INPP4B: variants seen among roughly 807,000 people sequenced by gnomAD.
INPP4B encodes inositol polyphosphate-4-phosphatase type II B, also known as inositol polyphosphate 4-phosphatase type II.
A neutral mutation model predicts 122.5 loss-of-function variants in INPP4B; 55 were observed. The observed-to-expected ratio is 0.45, with a 90% CI of 0.36 to 0.56. INPP4B has a LOEUF of 0.56. Ranked by LOEUF, INPP4B falls within the 20% of genes least tolerant of loss-of-function variation. INPP4B has a pLI of 0.00. For synonymous variants in INPP4B, 403 were observed against 388.7 expected (o/e 1.04, Z -0.43); for missense variants, 1,000 against 1,097.7 (o/e 0.91, Z 1.26).
At chr4:142,753,542 C>T (rs771473657) in intron 1 of INPP4B, among the ~76,000 whole-genome samples, 16 of 151,956 alleles carry the variant, frequency 1.1e-4, no homozygotes, top group African/African-American at 3.4e-4. Flanking sequence ...ATTGATCCCC[C>T]CTCTCTCCAT....
chr4:142,573,310 T>C (rs1247221450), intron 2 of INPP4B, among the ~76,000 whole-genome samples: 1 of 152,072 alleles, frequency 6.6e-6, no homozygotes, highest in Non-Finnish European at 1.5e-5. Context: ...CCAAGCCACA[T>C]CACAGCACTT....
chr4:142,584,490 G>A (rs913283890), intron 2 of INPP4B, among the ~76,000 whole-genome samples: 3 of 152,078 alleles, frequency 2.0e-5, no homozygotes, highest in South Asian at 2.1e-4. Flanking sequence ...AGTTTTCTAC[G>A]ACAAGTTTTA....
chr4:142,550,883 T>C (rs1727828673), intron 2 of INPP4B, among the ~76,000 whole-genome samples: 1 of 152,150 alleles, frequency 6.6e-6, no homozygotes, highest in Admixed American at 6.5e-5. Flanking sequence ...TCCAGTCTCC[T>C]CAAGTATAAA....
At chr4:142,082,363 A>G (rs748659612) in intron 24 of INPP4B, among the ~76,000 whole-genome samples, 178 bp from the exon 25 acceptor site, 14 of 152,224 alleles carry the variant, frequency 9.2e-5, no homozygotes, top group South Asian at 2.1e-4. Context: ...TTTTCATTTC[A>G]AAAGCCAACA....
intron 2 of INPP4B, among the ~76,000 whole-genome samples, chr4:142,523,742 G>C (rs1263730073): frequency 6.7e-6 from 1 of 149,670 alleles, no homozygotes; most frequent in Non-Finnish European, 1.5e-5. Flanking sequence ...GTGCCACGCT[G>C]GTGCGCTGCA....
At chr4:142,553,759 A>G (rs933337216) in intron 2 of INPP4B, among the ~76,000 whole-genome samples, 3 of 152,164 alleles carry the variant, frequency 2.0e-5, no homozygotes, top group African/African-American at 4.8e-5. Context: ...CCAACCCCCA[A>G]ATAAAACATT....
At chr4:142,611,452 G>C (rs1272898986) in intron 2 of INPP4B, among the ~76,000 whole-genome samples, 3 of 151,826 alleles carry the variant, frequency 2.0e-5, no homozygotes. Flanking sequence ...TCAAGGAAAA[G>C]TAAGTAATGG....
intron 15 of INPP4B, among the ~76,000 whole-genome samples, chr4:142,182,507 C>T (rs930715699): frequency 7.5e-6 from 1 of 134,160 alleles, no homozygotes; most frequent in Non-Finnish European, 1.5e-5. Context: ...GAGATCACGC[C>T]GCTGCACTCC....
chr4:142,759,278 A>T (rs1770950934), intron 1 of INPP4B, among the ~76,000 whole-genome samples: 1 of 152,136 alleles, frequency 6.6e-6, no homozygotes, highest in Non-Finnish European at 1.5e-5. Flanking sequence ...TGTATTCAAG[A>T]TCAATGATCT....
intron 2 of INPP4B, among the ~76,000 whole-genome samples, chr4:142,704,697 T>C (rs907023552): frequency 2.0e-5 from 3 of 152,236 alleles, no homozygotes; most frequent in Non-Finnish European, 4.4e-5. Flanking sequence ...CGTTCTTTTC[T>C]ACTCACTTTT....
chr4:142,797,860 T>C (rs1418038451), intron 1 of INPP4B, among the ~76,000 whole-genome samples: 1 of 151,968 alleles, frequency 6.6e-6, no homozygotes, highest in Non-Finnish European at 1.5e-5. Flanking sequence ...ATCTGCCATA[T>C]ACTCCTCTGA....
chr4:142,802,547 A>G (rs1778137421), intron 1 of INPP4B, among the ~76,000 whole-genome samples: 1 of 152,144 alleles, frequency 6.6e-6, no homozygotes, highest in Non-Finnish European at 1.5e-5. Context: ...AAGATAAATA[A>G]TCCCTCACTG....
At chr4:142,477,871 G>C (rs531751265) in intron 2 of INPP4B, among the ~76,000 whole-genome samples, 17 of 152,262 alleles carry the variant, frequency 1.1e-4, no homozygotes, top group African/African-American at 4.1e-4. Context: ...GATACCATTT[G>C]TAGTGAAACT....
chr4:142,815,354 T>C (rs1251610893), intron 1 of INPP4B, among the ~76,000 whole-genome samples: 1 of 152,196 alleles, frequency 6.6e-6, no homozygotes, highest in Non-Finnish European at 1.5e-5. Flanking sequence ...GGTTCATTAA[T>C]TGTAACAAAT....
intron 1 of INPP4B, among the ~76,000 whole-genome samples, chr4:142,772,059 A>G (rs1021058206): frequency 5.9e-5 from 9 of 152,148 alleles, no homozygotes; most frequent in Non-Finnish European, 8.8e-5. Flanking sequence ...TGTGATTCTA[A>G]TTAGACAGCC....
intron 2 of INPP4B, among the ~76,000 whole-genome samples, chr4:142,648,736 C>T (rs1347487757): frequency 6.6e-6 from 1 of 152,224 alleles, no homozygotes; most frequent in Admixed American, 6.5e-5. Context: ...GAATCCACCT[C>T]TTTGGGCAGG....
intron 7 of INPP4B, among the ~76,000 whole-genome samples, chr4:142,360,059 C>T (rs1476427704): frequency 1.3e-5 from 2 of 151,626 alleles, no homozygotes; most frequent in East Asian, 1.9e-4. Flanking sequence ...TATAAGAGGG[C>T]CTTTAAAGAA....
intron 2 of INPP4B, among the ~76,000 whole-genome samples, chr4:142,523,268 C>T (rs56374106): frequency 6.6e-6 from 1 of 152,096 alleles, no homozygotes; most frequent in Admixed American, 6.6e-5. Flanking sequence ...TTTTAACTAG[C>T]CCCCAGATAA....
chr4:142,429,367 T>TGCC, intron 4 of INPP4B, 150 bp from the exon 5 acceptor site: 1 of 549,742 alleles, frequency 1.8e-6, no homozygotes, highest in Non-Finnish European at 3.3e-6. Context: ...TTATAAATAA[T>TGCC]CAGTTCTCAG....
Sources: gnomAD v4.1 joint callset for allele counts (sites outside exome capture counted in the v4.1 genomes callset) on GRCh38, gnomAD v4.1.1 for gene constraint, MANE v1.5 for transcripts, NCBI Gene and HGNC (gene_info 2026-07-23, HGNC 2026-07-21) for gene names.